Variants in PAPSS1 observed in about 807,000 individuals in gnomAD.
PAPSS1 encodes the protein 3'-phosphoadenosine 5'-phosphosulfate synthase 1.
PAPSS1 carries 50 observed loss-of-function variants against 72.0 expected under a neutral mutation model. The ratio of observed to expected loss-of-function variants is 0.69; its 90% CI spans 0.55 to 0.88. PAPSS1 has a LOEUF of 0.88. Among genes scored for constraint, PAPSS1 ranks in the 40% least tolerant of loss-of-function variants. The pLI is 0.00. For missense variants in PAPSS1, 657 were observed against 782.2 expected (o/e 0.84, Z 1.91); for synonymous variants, 261 against 263.6 (o/e 0.99, Z 0.09).
chr4:107,710,493 G>A (rs1476642887), intron 1 of PAPSS1, among the ~76,000 whole-genome samples: 2 of 139,104 alleles, frequency 1.4e-5, no homozygotes, highest in Admixed American at 7.8e-5. Context: ...GTCCTGCTCG[G>A]GGTCAGGTTC....
chr4:107,695,530 G>A (rs1050331754), intron 2 of PAPSS1, among the ~76,000 whole-genome samples: 1 of 152,020 alleles, frequency 6.6e-6, no homozygotes, highest in Non-Finnish European at 1.5e-5. Context: ...ATATTATGTT[G>A]ACTAGGAGTG....
chr4:107,700,721 CAA>C lies in PAPSS1; in HGVS notation c.175+448_175+449del, dbSNP rs1723182144. ...GCATGTGATGCCTTCTGCTGTATTA[CAA>C]ACATAGCAAGAAGATGCTAGTCCCT... is the stretch of plus-strand genomic sequence containing the variant. On this transcript the variant is annotated intron_variant, in intron 2 of 11. Transcript: ENST00000265174. 1.3e-5 allele frequency among the ~76,000 whole-genome samples: 2 copies of C among 152,198 alleles called. 1 individual carries two copies. The highest frequency in any genetic ancestry group is 4.1e-4 in the South Asian group (2 of 4,834).
Position 107,656,986 on chromosome 4 carries a change from C to A in PAPSS1, c.805G>T (p.Val269Phe). ...INKVDMQWVQ[V>F]LAEGWATPLN... is the part of the protein sequence containing the mutation. ...GGGGTTGCCCAACCTTCTGCCAAAA[C>A]CTGCACCCACTGCATATCCACCTAG... Residue 269 changes from valine to phenylalanine, a missense_variant, in exon 7 of 12, where the codon GTT becomes TTT. Transcript: ENST00000265174. The A allele has an allele frequency of 6.2e-7, 1 of 1,613,722 alleles. No individual in the cohort carries two copies. Among genetic ancestry groups the A allele is most frequent in the South Asian group, 1.1e-5 (1 of 91,072 alleles).
intron 9 of PAPSS1, among the ~76,000 whole-genome samples, chr4:107,648,278 T>C (rs554499945): frequency 1.3e-5 from 2 of 152,314 alleles, no homozygotes; most frequent in East Asian, 3.9e-4. Flanking sequence ...CAGCATTCCG[T>C]GAACACATGT....
intron 1 of PAPSS1, among the ~76,000 whole-genome samples, chr4:107,701,653 G>A (rs978078366): frequency 6.6e-6 from 1 of 152,108 alleles, no homozygotes; most frequent in Non-Finnish European, 1.5e-5. Flanking sequence ...TATCTACTGA[G>A]GCCCTACTAG....
intron 11 of PAPSS1, among the ~76,000 whole-genome samples, chr4:107,627,557 G>A (rs536166256): frequency 3.4e-4 from 51 of 152,198 alleles, no homozygotes; most frequent in East Asian, 1.4e-3. Flanking sequence ...ACAAATTATA[G>A]GGCCTCTCCC....
intron 5 of PAPSS1, among the ~76,000 whole-genome samples, chr4:107,665,899 A>C (rs1419349079): frequency 6.6e-6 from 1 of 152,138 alleles, no homozygotes; most frequent in African/African-American, 2.4e-5. Context: ...CTCTCATTTT[A>C]ATCTTCCTAA....
At chr4:107,659,320 T>G (rs1287490564) in intron 6 of PAPSS1, among the ~76,000 whole-genome samples, 1 of 152,256 alleles carries the variant, frequency 6.6e-6, no homozygotes, top group Non-Finnish European at 1.5e-5. Context: ...TGGCACTTCC[T>G]TGGGTATTTT....
chr4:107,625,025 A>C (rs1325909419), intron 11 of PAPSS1, among the ~76,000 whole-genome samples: 1 of 152,224 alleles, frequency 6.6e-6, no homozygotes, highest in African/African-American at 2.4e-5. Flanking sequence ...TTAAGGTTCT[A>C]TATAGTGCGA....
In PAPSS1 at chr4:107,650,277, A is replaced by C. The variant is rs1054119139; in HGVS notation, c.1237+3214T>G. On this transcript the variant is annotated intron_variant, in intron 9 of 11. Coordinates refer to ENST00000265174, the MANE Select transcript of PAPSS1 (RefSeq NM_005443.5). ...GTTGCTTATTTGCCTCAGTATAAAA[A>C]TGGAAAAAATAAAATAACACTCCAA... Among the ~76,000 whole-genome samples, 4 of 152,354 alleles carry C rather than the reference A, an allele frequency of 2.6e-5. No individual in the cohort carries two copies. In the East Asian group the frequency reaches 7.7e-4, roughly 29 times the overall value.
At chr4:107,664,946 C>T (rs3805345) in intron 5 of PAPSS1, among the ~76,000 whole-genome samples, 29,378 of 152,114 alleles carry the variant, frequency 0.19, 3,136 homozygotes, top group East Asian at 0.37. Flanking sequence ...ACTCTTCCCT[C>T]TTCAAAATTC....
At chr4:107,648,907 G>T (rs2110314654) in intron 9 of PAPSS1, among the ~76,000 whole-genome samples, 1 of 152,252 alleles carries the variant, frequency 6.6e-6, no homozygotes, top group East Asian at 1.9e-4. Flanking sequence ...GGAAATAAAG[G>T]AATAAGAGAT....
chr4:107,687,107 G>A lies in PAPSS1; in HGVS notation c.482C>T (p.Pro161Leu). The change falls in exon 4 of 12, where the codon CCT becomes CTT. Residue 161 changes from proline (P) to leucine (L), a missense_variant. By Grantham distance (98) the Pro-to-Leu change is moderately conservative. Coordinates refer to ENST00000265174, the MANE Select transcript of PAPSS1 (RefSeq NM_005443.5). ...ATCCCTCTGTTCACAAACATGCAGA[G>A]GAGCATCAACAAATACTTCAAAAAA... The part of the protein sequence containing the change: ...LPFFEVFVDA[P>L]LHVCEQRDVK... 6.2e-7 allele frequency: 1 copy of A among 1,603,480 alleles called. No individual in the cohort carries two copies. The highest frequency in any genetic ancestry group is 1.7e-5 in the Admixed American group (1 of 57,906).
At chr4:107,686,033 T>C (rs1722774984) in intron 4 of PAPSS1, among the ~76,000 whole-genome samples, 1 of 152,208 alleles carries the variant, frequency 6.6e-6, no homozygotes, top group African/African-American at 2.4e-5. Context: ...AAGTCCTTTG[T>C]TTCTGTTAAC....
intron 9 of PAPSS1, among the ~76,000 whole-genome samples, chr4:107,649,808 A>G (rs138481053): frequency 2.8e-3 from 424 of 152,356 alleles, no homozygotes; most frequent in Non-Finnish European, 4.2e-3. Flanking sequence ...AATTATGTCA[A>G]CTCTTCCCTT....
intron 6 of PAPSS1, among the ~76,000 whole-genome samples, chr4:107,657,714 C>T (rs537669517): frequency 6.7e-6 from 1 of 149,898 alleles, no homozygotes; most frequent in South Asian, 2.1e-4. Context: ...TCCAGCCTGG[C>T]AGCCTGGGCA....
chr4:107,679,690 T>C (rs1727748917), intron 5 of PAPSS1, among the ~76,000 whole-genome samples: 1 of 151,828 alleles, frequency 6.6e-6, no homozygotes, highest in East Asian at 1.9e-4. Context: ...ACTTTTTTTT[T>C]TTTTTTGAGA....
chr4:107,658,362 A>C (rs1225285126), intron 6 of PAPSS1, among the ~76,000 whole-genome samples: 1 of 148,930 alleles, frequency 6.7e-6, no homozygotes, highest in South Asian at 2.1e-4. Flanking sequence ...TTAAAAAAAA[A>C]AAAAAAGAAA....
At chr4:107,719,858 G>A in intron 1 of PAPSS1, 1 of 1,342,722 alleles carries the variant, frequency 7.4e-7, no homozygotes, top group Non-Finnish European at 9.5e-7. Context: ...CGGAGGCGCT[G>A]GGGAGGGGGG....
Sources: gnomAD v4.1 joint callset for allele counts (sites outside exome capture counted in the v4.1 genomes callset) on GRCh38, gnomAD v4.1.1 for gene constraint, MANE v1.5 for transcripts, NCBI Gene and HGNC (gene_info 2026-07-23, HGNC 2026-07-21) for gene names.